Variants in L2HGDH observed in about 807,000 individuals in gnomAD.
L2HGDH encodes L-2-hydroxyglutarate dehydrogenase, mitochondrial.
L2HGDH carries 34 observed loss-of-function variants against 51.5 expected under a neutral mutation model. The observed-to-expected ratio is 0.66, with a 90% CI of 0.50 to 0.88. The LOEUF (loss-of-function observed/expected upper bound fraction) is 0.88, where lower values mean the gene tolerates loss of function less well. Ranked by LOEUF, L2HGDH falls within the 40% of genes least tolerant of loss-of-function variation. The pLI, the probability that L2HGDH is intolerant of heterozygous loss-of-function variation, is 0.00. For missense variants in L2HGDH, 558 were observed against 571.9 expected (o/e 0.98, Z 0.25); for synonymous variants, 198 against 197.9 (o/e 1.00, Z -0.01).
intron 6 of L2HGDH, among the ~76,000 whole-genome samples, chr14:50,270,202 ACTG>A (rs1400497085): frequency 2.0e-5 from 3 of 152,212 alleles, no homozygotes; most frequent in Non-Finnish European, 4.4e-5. Context: ...CCAGCTTTAG[ACTG>A]CTAATGTTAG....
chr14:50,284,689 T>C (rs1434053566), intron 4 of L2HGDH, among the ~76,000 whole-genome samples: 3 of 152,240 alleles, frequency 2.0e-5, no homozygotes, highest in Admixed American at 2.0e-4. Context: ...TGATCATTGT[T>C]AATAGCACCA....
chr14:50,267,735 A>G lies in L2HGDH; in HGVS notation c.1064+18T>C, dbSNP rs756159719. On this transcript the variant is annotated intron_variant, in intron 8 of 9. Transcript: ENST00000267436. ...AATATAAGCACATAAAATCATTTTT[A>G]AAAATAAATAATGTTACCTATTGAT... 3 of 1,574,082 alleles carry G rather than the reference A, an allele frequency of 1.9e-6. No homozygotes were observed. The highest frequency in any genetic ancestry group is 1.7e-4 in the Middle Eastern group (1 of 5,878).
rs867585689 is a variant in L2HGDH at position 50,247,314 on chromosome 14, C to T, written c.1197-61G>A. Reference sequence around the variant, plus strand: ...AGACATAGGATACTTTACAAGTCAGCGTTTCCAAAAAGTCTTAAAGCAATA... The same window carrying T: ...AGACATAGGATACTTTACAAGTCAGTGTTTCCAAAAAGTCTTAAAGCAATA... On this transcript the variant is annotated intron_variant, in intron 9 of 9. Coordinates refer to ENST00000267436, the MANE Select transcript of L2HGDH (RefSeq NM_024884.3). The T allele has an allele frequency of 6.4e-5, 101 of 1,573,806 alleles. No homozygotes were observed. The Middle Eastern group carries it at 6.8e-4, about 11-fold the overall frequency.
At chr14:50,275,948 A>T (rs1223532141) in intron 6 of L2HGDH, among the ~76,000 whole-genome samples, 1 of 152,132 alleles carries the variant, frequency 6.6e-6, no homozygotes, top group Non-Finnish European at 1.5e-5. Context: ...GGTTCCATTA[A>T]ACTGGAGGTT....
intron 1 of L2HGDH, among the ~76,000 whole-genome samples, chr14:50,304,679 CA>C (rs1438673596): frequency 2.6e-5 from 4 of 152,066 alleles, no homozygotes; most frequent in Non-Finnish European, 5.9e-5. Flanking sequence ...ACTAAAAATA[CA>C]AAAAATTAGC....
chr14:50,301,037 G>C (rs1424614717), intron 3 of L2HGDH, among the ~76,000 whole-genome samples: 1 of 152,130 alleles, frequency 6.6e-6, no homozygotes, highest in African/African-American at 2.4e-5. Context: ...TGTTGCCCGA[G>C]CTGGTCTCAA....
At chr14:50,298,181 T>A (rs918250180) in intron 3 of L2HGDH, among the ~76,000 whole-genome samples, 1 of 144,114 alleles carries the variant, frequency 6.9e-6, no homozygotes, top group Non-Finnish European at 1.5e-5. Flanking sequence ...GAGGTGGAGG[T>A]TGCAGTGAGC....
chr14:50,276,114 C>T (rs1889967299), intron 6 of L2HGDH, among the ~76,000 whole-genome samples: 4 of 152,214 alleles, frequency 2.6e-5, no homozygotes, highest in African/African-American at 7.2e-5. Context: ...CTGGAATACA[C>T]ATCTCCTGAA....
intron 9 of L2HGDH, among the ~76,000 whole-genome samples, chr14:50,257,089 C>A (rs1043807121): frequency 6.6e-6 from 1 of 152,080 alleles, no homozygotes; most frequent in Non-Finnish European, 1.5e-5. Flanking sequence ...GTGCCCACCA[C>A]AGCTAGTTTT....
At chr14:50,279,770 A>G (rs1055630457) in intron 5 of L2HGDH, among the ~76,000 whole-genome samples, 1 of 152,162 alleles carries the variant, frequency 6.6e-6, no homozygotes, top group African/African-American at 2.4e-5. Context: ...TTCTTGAAAC[A>G]TACAAGCAGG....
intron 9 of L2HGDH, among the ~76,000 whole-genome samples, chr14:50,256,982 CTGGGGTACAA>C (rs2139946677): frequency 6.6e-6 from 1 of 152,268 alleles, no homozygotes; most frequent in South Asian, 2.1e-4. Flanking sequence ...GTCACTCAGG[CTGGGGTACAA>C]TGGTGTCATC....
rs1051382543 is a variant in L2HGDH at position 50,247,002 on chromosome 14, G to T, written c.*56C>A. ...TTTTTTAAATTAAAGAATGCAATTA[G>T]TACATTCTTGTTGCTGACATGAAGA... is the stretch of plus-strand genomic sequence containing the variant. On this transcript the variant is annotated 3_prime_UTR_variant, in exon 10 of 10. Transcript: ENST00000267436. The T allele has an allele frequency of 1.9e-5, 30 of 1,573,312 alleles. No homozygotes were observed. The highest frequency in any genetic ancestry group is 2.5e-5 in the Non-Finnish European group (29 of 1,152,160).
chr14:50,262,350 A>G (rs760236594), intron 9 of L2HGDH, among the ~76,000 whole-genome samples: 1 of 151,720 alleles, frequency 6.6e-6, no homozygotes, highest in Non-Finnish European at 1.5e-5. Flanking sequence ...GAATCGCCTG[A>G]ACCAGGGAGT....
rs747789974 is a variant in L2HGDH, at chr14:50,258,677, C to A, written c.1196+6681G>T. Among the ~76,000 whole-genome samples, 19 of 151,794 alleles carry A rather than the reference C, an allele frequency of 1.3e-4. 1 individual carries two copies. Among genetic ancestry groups the A allele is most frequent in the Admixed American group, 4.6e-4 (7 of 15,198 alleles). The stretch of plus-strand genomic sequence containing the variant: ...TACAGGAACATGCCACCACACCCAG[C>A]TAGTTTTTAAATTTTTGGTATAGAT... On this transcript the variant is annotated intron_variant, in intron 9 of 9. Coordinates refer to ENST00000267436, the MANE Select transcript of L2HGDH (RefSeq NM_024884.3).
Position 50,244,473 on chromosome 14 carries a change from AATG to A in L2HGDH, c.*2582_*2584del. On this transcript the variant is annotated 3_prime_UTR_variant, in exon 10 of 10. Transcript: ENST00000267436. ...CAATCGTACTACTGACAAAATACAGAATGATAATATTTTCCATCTCTTAGTAAT... is the reference window on the plus strand; with the variant it reads ...CAATCGTACTACTGACAAAATACAGAATAATATTTTCCATCTCTTAGTAAT... 14 of 985,344 alleles carry A rather than the reference AATG, an allele frequency of 1.4e-5. No homozygotes were observed. The highest frequency in any genetic ancestry group is 1.4e-5 in the Non-Finnish European group (12 of 829,834). The allele number at this position is 985,344 out of a possible 1,614,324, so 61.0% of individuals were successfully genotyped here.
rs1269551293 is a variant in L2HGDH, at chr14:50,312,183, G to C, written c.-33C>G. The C allele has an allele frequency of 5.0e-6, 8 of 1,606,040 alleles. No homozygotes were observed. Among genetic ancestry groups the C allele is most frequent in the Non-Finnish European group, 6.8e-6 (8 of 1,178,478 alleles). ...GCACGCTCCCCTCCCTCAGCGCTCA[G>C]AAGAAGCCACTTGACCCTCCACGGC... On this transcript the variant is annotated 5_prime_UTR_variant, in exon 1 of 10. Coordinates refer to ENST00000267436, the MANE Select transcript of L2HGDH (RefSeq NM_024884.3).
In L2HGDH at chr14:50,265,379, A is replaced by G; in HGVS notation, c.1175T>C (p.Ile392Thr). 6.2e-7 allele frequency: 1 copy of G among 1,611,324 alleles called. No homozygotes were observed. The highest frequency in any genetic ancestry group is 8.5e-7 in the Non-Finnish European group (1 of 1,177,546). The change falls in exon 9 of 10, where the codon ATT (isoleucine) becomes ACT (threonine). Residue 392 changes from isoleucine (I) to threonine (T), a missense_variant. Physicochemically the swap from Ile to Thr is moderately conservative, Grantham distance 89. Around this residue, in one of 3 missense-constraint regions of L2HGDH, gnomAD observed 321 missense variants for 311.8 expected, o/e 1.03. Coordinates refer to ENST00000267436, the MANE Select transcript of L2HGDH (RefSeq NM_024884.3). ...VKYLQKFIPE[I>T]TISDILRGPA... Reference sequence around the variant, plus strand: ...TTACCTAAGTATATCACTGATAGTAATTTCAGGGATGAATTTTTGAAGATA... The same window carrying G: ...TTACCTAAGTATATCACTGATAGTAGTTTCAGGGATGAATTTTTGAAGATA...
At chr14:50,311,374 TAGTCGTCAAAATAGCCAAAACC>T in intron 1 of L2HGDH, 1 of 456,072 alleles carries the variant, frequency 2.2e-6, no homozygotes, top group South Asian at 1.5e-5. Flanking sequence ...GCCCACCTTC[TAGTCGTCAAAATAGCCAAAACC>T]TCTCCAAGCC....
rs1413831321 is a variant in L2HGDH at position 50,303,282 on chromosome 14, C to T, written c.141-265G>A. 2.6e-5 allele frequency among the ~76,000 whole-genome samples: 4 copies of T among 151,302 alleles called. No individual in the cohort carries two copies. The East Asian group carries it at 5.9e-4, about 22-fold the overall frequency. On this transcript the variant is annotated intron_variant, in intron 1 of 9. Transcript: ENST00000267436. ...ACTAAAAATACAAAAATTAGCTGGG[C>T]GTGGTGGCGCGTGCCTGTAGTCCCA...
Sources: gnomAD v4.1 joint callset for allele counts (sites outside exome capture counted in the v4.1 genomes callset) on GRCh38, gnomAD v4.1.1 for gene constraint, gnomAD v4.1.1 regional missense constraint, MANE v1.5 for transcripts, NCBI Gene and HGNC (gene_info 2026-07-23, HGNC 2026-07-21) for gene names.